Variants in PALM2AKAP2 observed in about 807,000 individuals in gnomAD.
PALM2AKAP2 encodes the protein PALM2 and AKAP2 fusion.
PALM2AKAP2 carries 37 observed loss-of-function variants against 71.5 expected under a neutral mutation model. The ratio of observed to expected loss-of-function variants is 0.52; its 90% CI spans 0.40 to 0.68. The LOEUF is 0.68. Ranked by LOEUF, PALM2AKAP2 falls within the 30% of genes least tolerant of loss-of-function variation. The probability of loss-of-function intolerance (pLI) is 0.00; values close to 1 mark genes in which losing one functional copy is unlikely to be tolerated. For missense variants in PALM2AKAP2, 1,224 were observed against 1,191.8 expected, an observed-to-expected ratio of 1.03 and a Z score of -0.40; for synonymous variants, 468 against 478.8, an observed-to-expected ratio of 0.98 and a Z score of 0.29.
chr9:110,014,100 G>A (rs1334162108), intron 6 of PALM2AKAP2, among the ~76,000 whole-genome samples: 6 of 152,154 alleles, frequency 3.9e-5, no homozygotes, highest in Admixed American at 2.6e-4. Flanking sequence ...ACTATGTGAC[G>A]AGCAGAAGAA....
intron 3 of PALM2AKAP2, among the ~76,000 whole-genome samples, chr9:109,890,274 T>C (rs945148791): frequency 2.0e-5 from 3 of 152,142 alleles, no homozygotes; most frequent in African/African-American, 7.2e-5. Context: ...TTGAGCACAA[T>C]CCCCACTTCG....
chr9:109,881,452 G>GA (rs1487019978), intron 3 of PALM2AKAP2, among the ~76,000 whole-genome samples: 16 of 152,220 alleles, frequency 1.1e-4, no homozygotes, highest in Non-Finnish European at 2.9e-5. Flanking sequence ...TTCGAAATGT[G>GA]AAAACTGTAG....
intron 7 of PALM2AKAP2, chr9:110,025,219 G>C: frequency 8.2e-7 from 1 of 1,213,360 alleles, no homozygotes; most frequent in East Asian, 2.3e-5. Context: ...TTTTTGAACA[G>C]TACCCATTCC....
chr9:109,692,905 C>G (rs981508429), intron 1 of PALM2AKAP2, among the ~76,000 whole-genome samples: 2 of 151,764 alleles, frequency 1.3e-5, no homozygotes, highest in African/African-American at 4.8e-5. Context: ...TTTCCCTTCC[C>G]CCCACCTCCA....
chr9:109,670,991 G>C (rs539753182), intron 1 of PALM2AKAP2, among the ~76,000 whole-genome samples: 1 of 152,206 alleles, frequency 6.6e-6, no homozygotes, highest in African/African-American at 2.4e-5. Flanking sequence ...TTGCAAATTT[G>C]TTTAAGTTCC....
At chr9:109,694,581 A>T (rs2118559080) in intron 1 of PALM2AKAP2, among the ~76,000 whole-genome samples, 1 of 152,206 alleles carries the variant, frequency 6.6e-6, no homozygotes, top group Admixed American at 6.5e-5. Context: ...ATAAATGCTT[A>T]TTTCTTGGAA....
intron 1 of PALM2AKAP2, among the ~76,000 whole-genome samples, chr9:109,825,634 C>G (rs945363288): frequency 6.6e-6 from 1 of 152,170 alleles, no homozygotes; most frequent in Non-Finnish European, 1.5e-5. Flanking sequence ...CACTGGCCAT[C>G]AGAGAAATGC....
chr9:109,862,406 A>C (rs1477476370), intron 1 of PALM2AKAP2, among the ~76,000 whole-genome samples: 1 of 151,956 alleles, frequency 6.6e-6, no homozygotes, highest in East Asian at 1.9e-4. Context: ...TGTTGACTTT[A>C]TTTTCTTCAA....
intron 1 of PALM2AKAP2, among the ~76,000 whole-genome samples, chr9:109,706,956 T>G (rs1306924798): frequency 2.0e-5 from 3 of 152,220 alleles, no homozygotes; most frequent in African/African-American, 7.2e-5. Context: ...AAAAATATTC[T>G]AAATTTAGAT....
intron 1 of PALM2AKAP2, among the ~76,000 whole-genome samples, chr9:109,769,473 A>G (rs1803674501): frequency 6.6e-6 from 1 of 152,160 alleles, no homozygotes; most frequent in Non-Finnish European, 1.5e-5. Context: ...TTTGGCTTGC[A>G]CCAACCTAAC....
intron 3 of PALM2AKAP2, among the ~76,000 whole-genome samples, chr9:109,903,792 ATTT>A (rs759047872): frequency 1.4e-5 from 2 of 141,176 alleles, no homozygotes; most frequent in Admixed American, 7.2e-5. Flanking sequence ...GATTTTCTGG[ATTT>A]TTTTTTTTTT....
chr9:109,673,453 C>G (rs746973886), intron 1 of PALM2AKAP2, among the ~76,000 whole-genome samples: 3 of 152,060 alleles, frequency 2.0e-5, no homozygotes, highest in African/African-American at 7.2e-5. Flanking sequence ...TTTGATTGCT[C>G]TGTAGTCTGA....
exon 2 of PALM2AKAP2, chr9:110,137,774 C>T (rs758452004): frequency 6.2e-7 from 1 of 1,614,174 alleles, no homozygotes; most frequent in Non-Finnish European, 8.5e-7. Flanking sequence ...AACCAATGCC[C>T]TCCAGGAAAA....
chr9:109,946,808 T>G (rs1326799648), intron 6 of PALM2AKAP2: 2 of 151,722 alleles, frequency 1.3e-5, no homozygotes, highest in East Asian at 3.8e-4. Flanking sequence ...TTCAATGGCA[T>G]TTAATAAAAG....
intron 1 of PALM2AKAP2, among the ~76,000 whole-genome samples, chr9:109,710,893 G>C (rs1401088431): frequency 1.3e-5 from 2 of 151,582 alleles, no homozygotes; most frequent in Non-Finnish European, 3.0e-5. Flanking sequence ...GGAAAAGAAA[G>C]AGCAGGGAAA....
chr9:109,742,786 T>G (rs1048274149), intron 1 of PALM2AKAP2, among the ~76,000 whole-genome samples: 4 of 152,184 alleles, frequency 2.6e-5, no homozygotes. Context: ...AAAGCATATG[T>G]GGACAACACA....
intron 1 of PALM2AKAP2, among the ~76,000 whole-genome samples, chr9:109,802,277 C>T (rs983160035): frequency 1.3e-5 from 2 of 152,150 alleles, no homozygotes; most frequent in East Asian, 3.9e-4. Flanking sequence ...TTCATCAGCA[C>T]GTGATTTCTG....
chr9:110,011,186 A>G (rs1329924211), intron 6 of PALM2AKAP2, among the ~76,000 whole-genome samples: 4 of 147,166 alleles, frequency 2.7e-5, no homozygotes, highest in African/African-American at 9.9e-5. Flanking sequence ...GAATATATAT[A>G]TTAATTTATA....
intron 6 of PALM2AKAP2, among the ~76,000 whole-genome samples, chr9:109,977,021 A>T (rs1160718292): frequency 6.6e-6 from 1 of 152,028 alleles, no homozygotes; most frequent in Non-Finnish European, 1.5e-5. Context: ...GTTCACCTGA[A>T]GGGCTTGTTT....
Sources: allele counts gnomAD v4.1 joint callset (sites outside exome capture counted in the v4.1 genomes callset), GRCh38; gene constraint gnomAD v4.1.1; transcripts MANE v1.5; gene names NCBI Gene and HGNC (gene_info 2026-07-23, HGNC 2026-07-21).